The following PLCB1 variants were observed in gnomAD, a reference collection of about 807,000 sequenced individuals.
PLCB1 encodes the protein phospholipase C beta 1.
In PLCB1, 46 loss-of-function variants were observed where a neutral mutation model predicts 161.8. That is an observed-to-expected ratio of 0.28 (90% CI 0.22 to 0.36). The LOEUF is 0.36. Among genes scored for constraint, PLCB1 ranks in the 10% least tolerant of loss-of-function variants. PLCB1 has a pLI of 1.00. For synonymous variants in PLCB1, 517 were observed against 503.7 expected (o/e 1.03, Z -0.35); for missense variants, 1,016 against 1,472.5 (o/e 0.69, Z 5.07).
chr20:8,820,918 G>A (rs1045567067), intron 31 of PLCB1, among the ~76,000 whole-genome samples: 2 of 151,720 alleles, frequency 1.3e-5, no homozygotes, highest in Non-Finnish European at 2.9e-5. Flanking sequence ...AAGTTTAAAA[G>A]CATGCAAAAT....
chr20:8,705,812 G>T (rs1306891857), intron 11 of PLCB1, among the ~76,000 whole-genome samples: 1 of 152,222 alleles, frequency 6.6e-6, no homozygotes, highest in African/African-American at 2.4e-5. Context: ...TAAAGAAATG[G>T]CAGGTGCCAG....
At chr20:8,302,626 C>A (rs1405817303) in intron 2 of PLCB1, among the ~76,000 whole-genome samples, 1 of 151,992 alleles carries the variant, frequency 6.6e-6, no homozygotes, top group Non-Finnish European at 1.5e-5. Context: ...AAATATCTAA[C>A]TTTTTTCTTC....
intron 2 of PLCB1, among the ~76,000 whole-genome samples, chr20:8,329,558 C>T (rs2745776): frequency 0.36 from 54,066 of 151,986 alleles, 10,478 homozygotes; most frequent in African/African-American, 0.5. Context: ...AATGTTTTCT[C>T]CTTTCAATTT....
At chr20:8,342,781 TG>T (rs1568639331) in intron 2 of PLCB1, among the ~76,000 whole-genome samples, 1 of 152,186 alleles carries the variant, frequency 6.6e-6, no homozygotes, top group Non-Finnish European at 1.5e-5. Flanking sequence ...AAAAAATCCT[TG>T]GAAGTGTTAC....
At chr20:8,601,093 A>G (rs906952693) in intron 3 of PLCB1, among the ~76,000 whole-genome samples, 11 of 152,184 alleles carry the variant, frequency 7.2e-5, no homozygotes, top group African/African-American at 2.7e-4. Flanking sequence ...TGTAGACCGG[A>G]GCTGTTCCTA....
At chr20:8,268,183 T>A (rs995751600) in intron 2 of PLCB1, among the ~76,000 whole-genome samples, 7 of 152,096 alleles carry the variant, frequency 4.6e-5, no homozygotes, top group African/African-American at 1.7e-4. Context: ...GTTCTCATTG[T>A]TCAATTCCCA....
In PLCB1 at chr20:8,685,011, G is replaced by A. The variant is rs182563538; in HGVS notation, c.942G>A (p.Leu314=). ...NGVVSPEKLD[L]NEDMSQPLSH... is the part of the protein sequence containing the mutation. ...TCGTTTCACCTGAGAAACTGGATTT[G>A]AATGAAGACATGTCTCAGCCCCTTT... Residue 314 remains leucine (L), a synonymous_variant, in exon 10 of 32, where the codon TTG becomes TTA. Coordinates refer to ENST00000338037, the MANE Select transcript of PLCB1 (RefSeq NM_015192.4). 1.9e-6 allele frequency: 3 copies of A among 1,606,296 alleles called. No individual in the cohort carries two copies. The Admixed American group carries it at 5.0e-5, about 27-fold the overall frequency.
chr20:8,452,753 A>G (rs1981127005), intron 3 of PLCB1, among the ~76,000 whole-genome samples: 1 of 152,248 alleles, frequency 6.6e-6, no homozygotes. Context: ...GGGATTTTGA[A>G]GGATGAATAG....
chr20:8,569,717 T>C (rs1962041582), intron 3 of PLCB1, among the ~76,000 whole-genome samples: 1 of 152,200 alleles, frequency 6.6e-6, no homozygotes, highest in African/African-American at 2.4e-5. Flanking sequence ...TGAAAATAAA[T>C]GCTTATACTG....
At chr20:8,422,313 C>T (rs895269736) in intron 3 of PLCB1, among the ~76,000 whole-genome samples, 2 of 152,162 alleles carry the variant, frequency 1.3e-5, no homozygotes, top group African/African-American at 4.8e-5. Flanking sequence ...GCTTGGCTTT[C>T]AAATATGATT....
In PLCB1 at chr20:8,774,420, T is replaced by G; in HGVS notation, c.2931-119T>G. On this transcript the variant is annotated intron_variant, in intron 26 of 31. Coordinates refer to ENST00000338037, the MANE Select transcript of PLCB1 (RefSeq NM_015192.4). ...GGTCTCACCCTCTACCCCAAGTGGC[T>G]TATGAAAATATGTATTTCCAAACAG... 6.1e-6 allele frequency: 6 copies of G among 986,198 alleles called. No individual in the cohort carries two copies. The South Asian group carries it at 1.1e-4, about 18-fold the overall frequency. The allele number at this position is 986,198 out of a possible 1,614,324, so 61.1% of individuals were successfully genotyped here. A position where few individuals can be genotyped will look rare whatever the true frequency, so the allele number is the denominator to read the frequency against.
intron 3 of PLCB1, among the ~76,000 whole-genome samples, chr20:8,397,153 A>C (rs570506128): frequency 8.6e-5 from 13 of 152,008 alleles, no homozygotes; most frequent in Non-Finnish European, 1.2e-4. Flanking sequence ...GCATTAATGT[A>C]TTCACTTCTT....
intron 3 of PLCB1, among the ~76,000 whole-genome samples, chr20:8,427,501 A>G (rs1174996990): frequency 6.6e-6 from 1 of 152,200 alleles, no homozygotes; most frequent in African/African-American, 2.4e-5. Flanking sequence ...AAAGACTTTG[A>G]GTAAAACTGT....
chr20:8,722,469 C>A, intron 15 of PLCB1, 48 bp downstream of exon 15: 1 of 1,372,800 alleles, frequency 7.3e-7, no homozygotes, highest in Non-Finnish European at 1.0e-6. Flanking sequence ...CCACCCTGTA[C>A]TCTCCTGGGT....
chr20:8,740,116 T>C (rs1157392033), intron 21 of PLCB1, among the ~76,000 whole-genome samples: 1 of 152,210 alleles, frequency 6.6e-6, no homozygotes, highest in Non-Finnish European at 1.5e-5. Flanking sequence ...GAATTATCTT[T>C]TGTGGGAAAA....
At chr20:8,624,741 T>C (rs945655845) in intron 3 of PLCB1, among the ~76,000 whole-genome samples, 1 of 152,204 alleles carries the variant, frequency 6.6e-6, no homozygotes, top group Non-Finnish European at 1.5e-5. Flanking sequence ...AGACATGAAG[T>C]AATTTAATCA....
intron 3 of PLCB1, among the ~76,000 whole-genome samples, chr20:8,537,379 G>T (rs76445306): frequency 0.011 from 1,739 of 152,230 alleles, 33 homozygotes; most frequent in African/African-American, 0.039. Context: ...GCCTCTTAAT[G>T]TACATGTGTG....
chr20:8,495,357 G>A (rs754644294), intron 3 of PLCB1, among the ~76,000 whole-genome samples: 1 of 150,512 alleles, frequency 6.6e-6, no homozygotes, highest in East Asian at 1.9e-4. Context: ...GAGTTCAGCC[G>A]GTGTTTGTGG....
At chr20:8,485,230 G>T (rs945579246) in intron 3 of PLCB1, among the ~76,000 whole-genome samples, 1 of 152,102 alleles carries the variant, frequency 6.6e-6, no homozygotes, top group Non-Finnish European at 1.5e-5. Flanking sequence ...TTAGATTAAG[G>T]GAGTAGATGT....
Sources: allele counts gnomAD v4.1 joint callset (sites outside exome capture counted in the v4.1 genomes callset), GRCh38; gene constraint gnomAD v4.1.1; transcripts MANE v1.5; gene names NCBI Gene and HGNC (gene_info 2026-07-23, HGNC 2026-07-21).